The following AFAP1 variants were observed in gnomAD, a reference collection of about 807,000 sequenced individuals.
AFAP1 encodes actin filament-associated protein 1.
In AFAP1, 75 loss-of-function variants were observed where a neutral mutation model predicts 93.9. That is an observed-to-expected ratio of 0.80 (90% confidence interval 0.66 to 0.97). The LOEUF (loss-of-function observed/expected upper bound fraction) is 0.97, where lower values mean the gene tolerates loss of function less well. AFAP1 is among the 50% of genes least tolerant of loss of function. The probability of loss-of-function intolerance (pLI) is 0.00; values close to 1 mark genes in which losing one functional copy is unlikely to be tolerated. For missense variants in AFAP1, 1,201 were observed against 1,050.8 expected (o/e 1.14, Z -1.98); for synonymous variants, 517 against 430.7 (o/e 1.20, Z -2.48).
chr4:7,855,505 G>T lies in AFAP1; in HGVS notation c.295C>A (p.Pro99Thr). ...LPEGYYEEAV[P>T]LSPGKAPEYI... ...TCCGGAGCTTTTCCGGGGCTCAGCG[G>T]CACAGCTTCCTCATAATAACCTTCT... Residue 99 changes from proline (P) to threonine (T), a missense_variant, in exon 4 of 18, where the codon CCG becomes ACG. Pro to Thr is a conservative substitution (Grantham distance 38, BLOSUM62 -1). Coordinates refer to ENST00000420658, the MANE Select transcript of AFAP1 (RefSeq NM_001134647.2). The T allele has an allele frequency of 2.5e-6, 4 of 1,613,672 alleles. No individual in the cohort carries two copies. The highest frequency in any genetic ancestry group is 3.4e-6 in the Non-Finnish European group (4 of 1,179,780).
chr4:7,922,298 C>A (rs927142792), intron 1 of AFAP1, among the ~76,000 whole-genome samples: 1 of 152,138 alleles, frequency 6.6e-6, no homozygotes, highest in African/African-American at 2.4e-5. Flanking sequence ...ACCTAACACA[C>A]AGGACTGCTG....
At chr4:7,795,591 A>G (rs1718340954) in intron 10 of AFAP1, among the ~76,000 whole-genome samples, 1 of 151,358 alleles carries the variant, frequency 6.6e-6, no homozygotes, top group Non-Finnish European at 1.5e-5. Flanking sequence ...CGCCCGGATA[A>G]TTTTTTGTAT....
intron 16 of AFAP1, among the ~76,000 whole-genome samples, 186 bp from the exon 17 acceptor site, chr4:7,769,194 G>T (rs1021787927): frequency 6.6e-6 from 1 of 152,166 alleles, no homozygotes; most frequent in Non-Finnish European, 1.5e-5. Flanking sequence ...ATTCACGGCC[G>T]GGGGGCAGAG....
intron 6 of AFAP1, among the ~76,000 whole-genome samples, chr4:7,830,879 G>C (rs571050569): frequency 6.6e-6 from 1 of 152,168 alleles, no homozygotes; most frequent in Non-Finnish European, 1.5e-5. Flanking sequence ...AAAGCACTGG[G>C]ATTACAGAAG....
At chr4:7,906,567 C>T (rs1315126735) in intron 1 of AFAP1, among the ~76,000 whole-genome samples, 1 of 152,158 alleles carries the variant, frequency 6.6e-6, no homozygotes, top group African/African-American at 2.4e-5. Context: ...AGTATCACTC[C>T]GGCCCAGTGC....
chr4:7,860,454 G>A (rs1715550566), intron 3 of AFAP1, among the ~76,000 whole-genome samples: 1 of 152,234 alleles, frequency 6.6e-6, no homozygotes, highest in African/African-American at 2.4e-5. Flanking sequence ...CCAGATTCAG[G>A]ATGTTCAACC....
intron 3 of AFAP1, among the ~76,000 whole-genome samples, chr4:7,863,749 G>T (rs1260180162): frequency 6.7e-6 from 1 of 149,690 alleles, no homozygotes; most frequent in Non-Finnish European, 1.5e-5. Flanking sequence ...ACACTAAAAA[G>T]GATAAAAAAG....
At chr4:7,887,901 A>G (rs1200592925) in intron 1 of AFAP1, among the ~76,000 whole-genome samples, 2 of 151,790 alleles carry the variant, frequency 1.3e-5, no homozygotes, top group African/African-American at 4.8e-5. Flanking sequence ...ATCTCAGCTC[A>G]CCATAACCTC....
In AFAP1 at chr4:7,760,570, G is replaced by GGGAAGAGGGAGCC. The variant is rs1162203971; in HGVS notation, c.*3182_*3194dup. 4.6e-5 allele frequency: 7 copies of GGGAAGAGGGAGCC among 152,312 alleles called. No individual in the cohort carries two copies. The highest frequency in any genetic ancestry group is 1.7e-4 in the African/African-American group (7 of 41,480). 9.4% of individuals were successfully genotyped at this position (152,312 alleles called of 1,614,324 possible). On this transcript the variant is annotated 3_prime_UTR_variant, in exon 18 of 18. Transcript: ENST00000420658. ...CTTGCCCCAGTTCCCCGCAGATTCT[G>GGGAAGAGGGAGCC]GGAAGAGGGAGCCATCGCCCATGCC...
intron 1 of AFAP1, among the ~76,000 whole-genome samples, chr4:7,888,980 C>T (rs781740736): frequency 9.2e-5 from 14 of 151,890 alleles, no homozygotes; most frequent in East Asian, 5.9e-4. Flanking sequence ...TTAGTAAAGA[C>T]GGGGTTTCAC....
intron 2 of AFAP1, among the ~76,000 whole-genome samples, chr4:7,869,267 A>C (rs1716807865): frequency 6.6e-6 from 1 of 152,056 alleles, no homozygotes; most frequent in Non-Finnish European, 1.5e-5. Context: ...TAAGAAATGA[A>C]TGAAAGCACT....
rs986278798 is a variant in AFAP1 at position 7,758,886 on chromosome 4, A to G, written c.*4879T>C. 6.6e-6 allele frequency: 1 copy of G among 152,250 alleles called. No homozygotes were observed. The highest frequency in any genetic ancestry group is 6.5e-5 in the Admixed American group (1 of 15,282). 9.4% of individuals were successfully genotyped at this position (152,250 alleles called of 1,614,324 possible). A position where few individuals can be genotyped will look rare whatever the true frequency, so the allele number is the denominator to read the frequency against. ...GGATTTTCCTTGCAAGTTTCTTTTC[A>G]TAAAATTTTTACTTTATGAATTAAA... On this transcript the variant is annotated 3_prime_UTR_variant, in exon 18 of 18. Transcript: ENST00000420658.
intron 6 of AFAP1, among the ~76,000 whole-genome samples, chr4:7,827,323 G>C (rs1721512418): frequency 6.6e-6 from 1 of 152,118 alleles, no homozygotes; most frequent in Admixed American, 6.5e-5. Context: ...TGTCATCCCA[G>C]CACTTTGGGA....
intron 1 of AFAP1, among the ~76,000 whole-genome samples, chr4:7,885,629 A>T (rs1001262559): frequency 6.6e-6 from 1 of 152,238 alleles, no homozygotes. Flanking sequence ...CATGACACTC[A>T]GTATATGTTT....
chr4:7,870,368 G>C (rs183838169), intron 2 of AFAP1, among the ~76,000 whole-genome samples: 1 of 152,308 alleles, frequency 6.6e-6, no homozygotes, highest in African/African-American at 2.4e-5. Context: ...CTTCAGAAGT[G>C]AACATTTCAG....
chr4:7,897,038 C>A (rs1718818445), intron 1 of AFAP1, among the ~76,000 whole-genome samples: 1 of 152,068 alleles, frequency 6.6e-6, no homozygotes, highest in African/African-American at 2.4e-5. Context: ...TCTAGAGACT[C>A]TTTTCTTCTC....
At chr4:7,857,155 G>C (rs1026465028) in intron 3 of AFAP1, among the ~76,000 whole-genome samples, 1 of 152,116 alleles carries the variant, frequency 6.6e-6, no homozygotes, top group African/African-American at 2.4e-5. Flanking sequence ...ACAAGGAATG[G>C]AACAGAGCAG....
intron 1 of AFAP1, among the ~76,000 whole-genome samples, chr4:7,904,507 C>A (rs116369772): frequency 6.6e-6 from 1 of 152,112 alleles, no homozygotes; most frequent in East Asian, 1.9e-4. Context: ...TCACGAGGTG[C>A]CAGGCTCTGA....
At chr4:7,840,917 T>C (rs985090093) in intron 5 of AFAP1, among the ~76,000 whole-genome samples, 1 of 152,232 alleles carries the variant, frequency 6.6e-6, no homozygotes, top group African/African-American at 2.4e-5. Context: ...GAGTGATGCT[T>C]TGATACAGAA....
Sources: allele counts gnomAD v4.1 joint callset (sites outside exome capture counted in the v4.1 genomes callset), GRCh38; gene constraint gnomAD v4.1.1; transcripts MANE v1.5; gene names NCBI Gene and HGNC (gene_info 2026-07-23, HGNC 2026-07-21).